Variants in PRKCB observed in about 807,000 individuals in gnomAD.
PRKCB encodes the protein protein kinase C beta.
A neutral mutation model predicts 81.5 loss-of-function variants in PRKCB; 13 were observed. The observed-to-expected ratio is 0.16, with a 90% CI of 0.10 to 0.25. The LOEUF is 0.25. PRKCB is among the 10% of genes least tolerant of loss of function. The pLI is 1.00. For synonymous variants in PRKCB, 335 were observed against 321.4 expected, an observed-to-expected ratio of 1.04 and a Z score of -0.45; for missense variants, 509 against 875.7, an observed-to-expected ratio of 0.58 and a Z score of 5.29.
At chr16:23,931,533 T>C (rs188289521) in intron 2 of PRKCB, among the ~76,000 whole-genome samples, 1 of 152,058 alleles carries the variant, frequency 6.6e-6, no homozygotes, top group Admixed American at 6.5e-5. Context: ...GGTGAGGGTG[T>C]GAGAAGAGAC....
chr16:23,891,354 A>G (rs1963291611), intron 2 of PRKCB, among the ~76,000 whole-genome samples: 1 of 152,102 alleles, frequency 6.6e-6, no homozygotes, highest in Non-Finnish European at 1.5e-5. Context: ...CATCCAGTCT[A>G]TGATATTCTT....
intron 9 of PRKCB, among the ~76,000 whole-genome samples, chr16:24,128,656 CT>C (rs1216367173): frequency 6.6e-6 from 1 of 152,122 alleles, no homozygotes; most frequent in Non-Finnish European, 1.5e-5. Context: ...CCTTCTAGGA[CT>C]TTTAATACAG....
At chr16:24,150,353 A>C (rs1967060617) in intron 9 of PRKCB, among the ~76,000 whole-genome samples, 1 of 151,992 alleles carries the variant, frequency 6.6e-6, no homozygotes, top group South Asian at 2.1e-4. Context: ...AAACAAAACA[A>C]AACAAAAAAG....
At chr16:23,944,705 G>A (rs1189393656) in intron 2 of PRKCB, among the ~76,000 whole-genome samples, 1 of 152,214 alleles carries the variant, frequency 6.6e-6, no homozygotes, top group Non-Finnish European at 1.5e-5. Context: ...ACCTCACAAA[G>A]GGTGCAGTGT....
At chr16:23,891,006 T>C (rs1269825162) in intron 2 of PRKCB, among the ~76,000 whole-genome samples, 2 of 24,314 alleles carry the variant, frequency 8.2e-5, no homozygotes, top group African/African-American at 1.2e-4. Flanking sequence ...ATAATGCGTG[T>C]GTGTGTGTGT....
intron 7 of PRKCB, among the ~76,000 whole-genome samples, chr16:24,109,326 C>A (rs1361262474): frequency 1.1e-5 from 1 of 89,674 alleles, no homozygotes; most frequent in African/African-American, 5.5e-5. Flanking sequence ...GGCTGCCGGG[C>A]GGAGACGCTC....
At chr16:23,917,373 G>T (rs771103351) in intron 2 of PRKCB, among the ~76,000 whole-genome samples, 1 of 152,158 alleles carries the variant, frequency 6.6e-6, no homozygotes, top group African/African-American at 2.4e-5. Flanking sequence ...CACCACGCCC[G>T]GCCACCTCAT....
chr16:24,171,875 A>G (rs1402606344), intron 10 of PRKCB, among the ~76,000 whole-genome samples: 1 of 152,066 alleles, frequency 6.6e-6, no homozygotes. Flanking sequence ...CTGGGATTAC[A>G]GGTGCCTGCC....
chr16:23,882,014 CT>C (rs1963123189), intron 2 of PRKCB, among the ~76,000 whole-genome samples: 178 of 101,530 alleles, frequency 1.8e-3, no homozygotes, highest in African/African-American at 6.1e-3. Context: ...TTCTTTCTTT[CT>C]TTCTTTCTTC....
At chr16:24,120,249 G>A (rs1168802005) in intron 8 of PRKCB, among the ~76,000 whole-genome samples, 2 of 152,148 alleles carry the variant, frequency 1.3e-5, no homozygotes, top group African/African-American at 2.4e-5. Context: ...AATGTTCCGC[G>A]TCTTGTTTGG....
intron 5 of PRKCB, among the ~76,000 whole-genome samples, chr16:24,041,730 C>T (rs1040323737): frequency 2.0e-5 from 3 of 152,058 alleles, no homozygotes; most frequent in African/African-American, 7.2e-5. Context: ...TGGTGGCTCA[C>T]GTCGGTAATC....
intron 5 of PRKCB, among the ~76,000 whole-genome samples, chr16:24,088,210 A>G (rs1172035941): frequency 6.6e-6 from 1 of 152,208 alleles, no homozygotes; most frequent in Non-Finnish European, 1.5e-5. Context: ...GCTACTGTCA[A>G]CTGCTCATGA....
chr16:24,004,344 C>T (rs1226197270), intron 3 of PRKCB, among the ~76,000 whole-genome samples: 2 of 151,848 alleles, frequency 1.3e-5, no homozygotes, highest in African/African-American at 4.8e-5. Flanking sequence ...AAAAATGAAA[C>T]ATGGTCTTAA....
chr16:23,898,559 G>A (rs1193770370), intron 2 of PRKCB, among the ~76,000 whole-genome samples: 1 of 152,070 alleles, frequency 6.6e-6, no homozygotes, highest in Non-Finnish European at 1.5e-5. Flanking sequence ...GAATGGGGTA[G>A]GTGAGCATGT....
intron 6 of PRKCB, 112 bp from the exon 7 acceptor site, chr16:24,094,051 C>A (rs1190047078): frequency 8.3e-7 from 1 of 1,203,318 alleles, no homozygotes; most frequent in Non-Finnish European, 1.1e-6. Flanking sequence ...TTTCTTTCAG[C>A]AGCTTGTAAT....
At chr16:23,859,446 G>A (rs1272504054) in intron 2 of PRKCB, among the ~76,000 whole-genome samples, 1 of 152,192 alleles carries the variant, frequency 6.6e-6, no homozygotes, top group East Asian at 1.9e-4. Context: ...ATGGGCAGGG[G>A]GAAGCTGCTT....
intron 2 of PRKCB, 96 bp downstream of exon 2, chr16:23,837,502 T>C: frequency 6.9e-7 from 1 of 1,459,004 alleles, no homozygotes; most frequent in Non-Finnish European, 9.4e-7. Flanking sequence ...AGTGAAAGAA[T>C]CACGTTGGTC....
intron 2 of PRKCB, among the ~76,000 whole-genome samples, chr16:23,911,593 T>C (rs531388302): frequency 4.3e-4 from 65 of 152,240 alleles, no homozygotes; most frequent in Non-Finnish European, 6.6e-4. Flanking sequence ...ATATTGCAGA[T>C]GGTGTGTGGA....
intron 2 of PRKCB, among the ~76,000 whole-genome samples, chr16:23,848,114 G>A (rs1962409861): frequency 1.3e-5 from 2 of 152,188 alleles, no homozygotes; most frequent in South Asian, 2.1e-4. Context: ...ACAGGAAGAA[G>A]AGGGTGTGAG....
Sources: gnomAD v4.1 joint callset for allele counts (sites outside exome capture counted in the v4.1 genomes callset) on GRCh38, gnomAD v4.1.1 for gene constraint, MANE v1.5 for transcripts, NCBI Gene and HGNC (gene_info 2026-07-23, HGNC 2026-07-21) for gene names.